HPSE2: variants seen among roughly 807,000 people sequenced by gnomAD.
HPSE2 encodes inactive heparanase-2.
In HPSE2, 38 loss-of-function variants were observed where a neutral mutation model predicts 60.5. That is an observed-to-expected ratio of 0.63 (90% CI 0.48 to 0.82). The LOEUF (loss-of-function observed/expected upper bound fraction) is 0.82. HPSE2 is among the 40% of genes least tolerant of loss of function. The probability of loss-of-function intolerance (pLI) is 0.00; values close to 1 mark genes in which losing one functional copy is unlikely to be tolerated. For missense variants in HPSE2, 713 were observed against 740.4 expected, an observed-to-expected ratio of 0.96 and a Z score of 0.43; for synonymous variants, 295 against 293.2, an observed-to-expected ratio of 1.01 and a Z score of -0.06.
At chr10:98,851,071 T>C (rs1240077620) in intron 3 of HPSE2, among the ~76,000 whole-genome samples, 1 of 152,224 alleles carries the variant, frequency 6.6e-6, no homozygotes, top group East Asian at 1.9e-4. Context: ...ACTAACAGTT[T>C]GTATTTTTGA....
At chr10:99,156,116 C>G (rs1441515932) in intron 2 of HPSE2, among the ~76,000 whole-genome samples, 1 of 143,184 alleles carries the variant, frequency 7.0e-6, no homozygotes, top group African/African-American at 2.6e-5. Flanking sequence ...CAATAGTTTA[C>G]CAACCAAAAA....
intron 3 of HPSE2, among the ~76,000 whole-genome samples, chr10:98,836,259 A>G (rs1161289679): frequency 6.6e-6 from 1 of 152,178 alleles, no homozygotes; most frequent in East Asian, 1.9e-4. Context: ...TTTAAAACTC[A>G]ATTCGTTGAA....
At chr10:98,900,832 C>A (rs1953647093) in intron 3 of HPSE2, among the ~76,000 whole-genome samples, 1 of 152,074 alleles carries the variant, frequency 6.6e-6, no homozygotes, top group African/African-American at 2.4e-5. Context: ...ACCATACAAC[C>A]CATGAATTCC....
Position 98,749,947 on chromosome 10 carries a change from T to TATATATATATATATATACATAC in HPSE2, c.611-5892_611-5891insGTATGTATATATATATATATAT. On this transcript the variant is annotated intron_variant, in intron 3 of 11. Transcript: ENST00000370552. ...ATTAAACACTATATATATATATATA[T>TATATATATATATATATACATAC]ACACACACACTTACACACACATTTA... Among the ~76,000 whole-genome samples the TATATATATATATATATACATAC allele has an allele frequency of 2.4e-4, 24 of 98,462 alleles. No homozygotes were observed. The East Asian group carries it at 2.6e-3, about 10-fold the overall frequency. 64.6% of individuals were successfully genotyped at this position (98,462 alleles called of 152,430 possible). A position where few individuals can be genotyped will look rare whatever the true frequency, so the allele number is the denominator to read the frequency against.
At chr10:99,237,858 T>C (rs7919188), upstream of HPSE2, among the ~76,000 whole-genome samples, 4,192 of 152,330 alleles carry the variant, frequency 0.028, 190 homozygotes, top group African/African-American at 0.095. Flanking sequence ...ACTTTTGCCT[T>C]TGTGTTCCCA....
At chr10:98,977,429 A>G (rs1956109507) in intron 3 of HPSE2, among the ~76,000 whole-genome samples, 2 of 152,216 alleles carry the variant, frequency 1.3e-5, no homozygotes, top group African/African-American at 2.4e-5. Context: ...ACTAGGCAAT[A>G]AGGTGGGCAA....
the HPSE2 span, among the ~76,000 whole-genome samples, chr10:99,255,626 TA>T: frequency 6.6e-6 from 1 of 151,778 alleles, no homozygotes; most frequent in African/African-American, 2.4e-5. Context: ...AGTCATTTGA[TA>T]AAATCCAAAA....
intron 3 of HPSE2, among the ~76,000 whole-genome samples, chr10:98,882,343 G>GATTAAT (rs1257026381): frequency 2.6e-5 from 4 of 151,950 alleles, no homozygotes; most frequent in African/African-American, 9.7e-5. Flanking sequence ...GGCAATAATT[G>GATTAAT]ATTAATATAC....
intron 4 of HPSE2, among the ~76,000 whole-genome samples, chr10:98,741,309 A>G (rs1285694195): frequency 6.6e-6 from 1 of 152,074 alleles, no homozygotes; most frequent in East Asian, 1.9e-4. Flanking sequence ...TTTATAAATA[A>G]TTCTTTGTTG....
rs186508351 is a variant in HPSE2 at position 99,194,380 on chromosome 10, G to C, written c.448+37968C>G. ...ATCTTAATGAACTGTAAAAGCAAAA[G>C]CAAACCAAACCCAAAATCAATAGAA... is the stretch of plus-strand genomic sequence containing the variant. On this transcript the variant is annotated intron_variant, in intron 2 of 11. Transcript: ENST00000370552. Among the ~76,000 whole-genome samples the C allele has an allele frequency of 2.6e-4, 39 of 151,144 alleles. 1 individual carries two copies. Among genetic ancestry groups the C allele is most frequent in the Admixed American group, 2.0e-3 (30 of 15,222 alleles).
At chr10:98,643,770 G>C (rs1335639819) in intron 6 of HPSE2, among the ~76,000 whole-genome samples, 2 of 152,120 alleles carry the variant, frequency 1.3e-5, no homozygotes, top group African/African-American at 4.8e-5. Flanking sequence ...ACAGAGTAGT[G>C]TTAAAATTAA....
chr10:99,273,904 A>C, the HPSE2 span, among the ~76,000 whole-genome samples: 11 of 152,354 alleles, frequency 7.2e-5, no homozygotes, highest in South Asian at 2.3e-3. Context: ...TGTGTGCACT[A>C]TCTCTGCTGC....
intron 4 of HPSE2, among the ~76,000 whole-genome samples, chr10:98,725,059 T>C (rs1279007132): frequency 6.6e-6 from 1 of 152,092 alleles, no homozygotes; most frequent in African/African-American, 2.4e-5. Flanking sequence ...AATGGCCATA[T>C]TGCCCAAGGT....
At chr10:98,644,157 C>G (rs1946706870) in intron 6 of HPSE2, among the ~76,000 whole-genome samples, 1 of 152,120 alleles carries the variant, frequency 6.6e-6, no homozygotes, top group Non-Finnish European at 1.5e-5. Flanking sequence ...GTTAGAAAAC[C>G]TTGGTTCAAT....
intron 2 of HPSE2, among the ~76,000 whole-genome samples, chr10:99,182,419 T>C (rs1197913288): frequency 6.6e-6 from 1 of 152,248 alleles, no homozygotes; most frequent in Non-Finnish European, 1.5e-5. Context: ...CTTCCAGTTC[T>C]ATAACATTTC....
intron 3 of HPSE2, among the ~76,000 whole-genome samples, chr10:99,114,524 T>C (rs1202998888): frequency 1.3e-5 from 2 of 152,236 alleles, no homozygotes; most frequent in East Asian, 3.9e-4. Flanking sequence ...CACAAAGACT[T>C]CTACAAACAT....
chr10:99,235,814 G>A lies in HPSE2; in HGVS notation c.-12C>T, dbSNP rs534585597. On this transcript the variant is annotated 5_prime_UTR_variant, in exon 1 of 12. Coordinates refer to ENST00000370552, the MANE Select transcript of HPSE2 (RefSeq NM_021828.5). ...CAAAGCACCCTCATTCAATCCCTCT[G>A]ATTTAAACCTCTCTTCCTACTGGGT... 8.1e-6 allele frequency: 13 copies of A among 1,610,522 alleles called. No homozygotes were observed. In the East Asian group the frequency reaches 2.5e-4, roughly 30 times the overall value.
intron 3 of HPSE2, among the ~76,000 whole-genome samples, chr10:98,804,561 C>T (rs1950997051): frequency 6.6e-6 from 1 of 152,086 alleles, no homozygotes. Context: ...CAGAGAAATG[C>T]AAATGAAAAC....
At chr10:98,947,073 T>C (rs982929844) in intron 3 of HPSE2, among the ~76,000 whole-genome samples, 2 of 151,824 alleles carry the variant, frequency 1.3e-5, no homozygotes, top group Non-Finnish European at 2.9e-5. Flanking sequence ...CAAGAAAAGG[T>C]TGAATTGCTT....
Sources: allele counts gnomAD v4.1 joint callset (sites outside exome capture counted in the v4.1 genomes callset), GRCh38; gene constraint gnomAD v4.1.1; transcripts MANE v1.5; gene names NCBI Gene and HGNC (gene_info 2026-07-23, HGNC 2026-07-21).